Variants in TMEM218 observed in about 807,000 individuals in gnomAD.
TMEM218 encodes the protein transmembrane protein 218.
TMEM218 carries 8 observed loss-of-function variants against 10.0 expected under a neutral mutation model. The ratio of observed to expected loss-of-function variants is 0.80; its 90% confidence interval spans 0.47 to 1.44. TMEM218 has a LOEUF of 1.44. TMEM218 is among the 40% of genes most tolerant of loss of function. The pLI is 0.00. For synonymous variants in TMEM218, 66 were observed against 63.5 expected (o/e 1.04, Z -0.18); for missense variants, 110 against 140.1 (o/e 0.79, Z 1.08).
chr11:125,097,666 G>A lies in TMEM218; in HGVS notation c.288C>T (p.Phe96=), dbSNP rs1438244193. ...CCAGAACATAATGGATTAAAACCAA[G>A]AAGAGGCCTCCAAGGAAGATGGCAC... ...FLSAIFLGGL[F]LVLIHYVLEP... is the part of the protein sequence containing the mutation. The change falls in exon 5 of 5, where the codon TTC becomes TTT. Residue 96 remains phenylalanine (F), a synonymous_variant. Coordinates refer to ENST00000682305, the MANE Select transcript of TMEM218 (RefSeq NM_001258244.2). The A allele has an allele frequency of 1.2e-6, 2 of 1,614,034 alleles. No individual in the cohort carries two copies. Among genetic ancestry groups the A allele is most frequent in the East Asian group, 4.5e-5 (2 of 44,898 alleles).
chr11:125,101,549 T>G lies in TMEM218; in HGVS notation c.111-246A>C, dbSNP rs571908697. ...AAGAATGGAAATGTGTAGTTTTTAT[T>G]TTTACTTCTGCCCAAAGTCATAATC... On this transcript the variant is annotated intron_variant, in intron 3 of 4. Transcript: ENST00000682305. 6.1e-5 allele frequency: 88 copies of G among 1,443,314 alleles called. No individual in the cohort carries two copies. The African/African-American group carries it at 1.2e-3, about 20-fold the overall frequency. 89.4% of individuals were successfully genotyped at this position (1,443,314 alleles called of 1,614,324 possible).
In TMEM218 at chr11:125,097,700, G is replaced by A. The variant is rs771422881; in HGVS notation, c.254C>T (p.Ala85Val). 1 of 1,614,138 alleles carries A rather than the reference G, an allele frequency of 6.2e-7. No individual in the cohort carries two copies. Among genetic ancestry groups the A allele is most frequent in the Non-Finnish European group, 8.5e-7 (1 of 1,179,990 alleles). Residue 85 changes from alanine (A) to valine (V), a missense_variant, in exon 5 of 5, where the codon GCT becomes GTT. Physicochemically the swap from Ala to Val is moderately conservative, Grantham distance 64. Transcript: ENST00000682305. ...TCCAAGGAAGATGGCACTAAGGAAA[G>A]CCAGCAGGACATAGCGGCCAATGAA... ...DFFIGRYVLL[A>V]FLSAIFLGGL...
chr11:125,098,985 T>G lies in TMEM218; in HGVS notation c.214-1245A>C, dbSNP rs142218403. Reference sequence around the variant, plus strand: ...GAACTTCTGGAAAGGAATGCTGCCCTGCCAACCCCTTGGTTTTAGCCCAGT... The same window carrying G: ...GAACTTCTGGAAAGGAATGCTGCCCGGCCAACCCCTTGGTTTTAGCCCAGT... On this transcript the variant is annotated intron_variant, in intron 4 of 4. Coordinates refer to ENST00000682305, the MANE Select transcript of TMEM218 (RefSeq NM_001258244.2). 6.0e-3 allele frequency among the ~76,000 whole-genome samples: 911 copies of G among 152,322 alleles called. 4 individuals are homozygous for G. The highest frequency in any genetic ancestry group is 8.2e-3 in the Non-Finnish European group (556 of 68,024).
At chr11:125,105,700 TA>T (rs1277100687) in intron 1 of TMEM218, among the ~76,000 whole-genome samples, 2 of 150,720 alleles carry the variant, frequency 1.3e-5, no homozygotes, top group African/African-American at 4.9e-5. Flanking sequence ...GTACACAAGT[TA>T]AAAAAACATA....
chr11:125,102,034 A>T, intron 3 of TMEM218, 98 bp downstream of exon 3: 1 of 1,355,934 alleles, frequency 7.4e-7, no homozygotes, highest in Non-Finnish European at 9.7e-7. Flanking sequence ...GCCAGTAATT[A>T]CAAAACTGAT....
At chr11:125,101,100 A>T in intron 4 of TMEM218, 101 bp downstream of exon 4, 1 of 932,390 alleles carries the variant, frequency 1.1e-6, no homozygotes, top group Non-Finnish European at 1.6e-6. Context: ...CTGACATCTC[A>T]GGCAACCCGA....
rs748294248 is a variant in TMEM218, at chr11:125,095,364, T to G, written c.*2242A>C. 2.0e-5 allele frequency among the ~76,000 whole-genome samples: 3 copies of G among 152,184 alleles called. No individual in the cohort carries two copies. The highest frequency in any genetic ancestry group is 6.5e-5 in the Admixed American group (1 of 15,280). Reference sequence around the variant, plus strand: ...TATTTAAGGAATGACCTCTGAGCCCTGTCTCCAAGAAGGCCATGAGCATAC... The same window carrying G: ...TATTTAAGGAATGACCTCTGAGCCCGGTCTCCAAGAAGGCCATGAGCATAC... On this transcript the variant is annotated 3_prime_UTR_variant, in exon 5 of 5. Coordinates refer to ENST00000682305, the MANE Select transcript of TMEM218 (RefSeq NM_001258244.2).
chr11:125,102,870 C>T (rs985006676), intron 1 of TMEM218, 61 bp from the exon 2 acceptor site: 1 of 415,656 alleles, frequency 2.4e-6, no homozygotes, highest in Non-Finnish European at 4.1e-6. Context: ...AAGTGCCGTA[C>T]AAACATATCT....
Position 125,108,237 on chromosome 11 carries a change from A to C in TMEM218, c.-153+3302T>G, listed in dbSNP as rs1315151714. 6.6e-6 allele frequency among the ~76,000 whole-genome samples: 1 copy of C among 152,184 alleles called. No individual in the cohort carries two copies. Among genetic ancestry groups the C allele is most frequent in the Admixed American group, 6.5e-5 (1 of 15,278 alleles). ...CAAAGACACATGGCCCAGTGGTATAAAATCAAGAACCCAGAAACAGATCCA... is the reference window on the plus strand; with the variant it reads ...CAAAGACACATGGCCCAGTGGTATACAATCAAGAACCCAGAAACAGATCCA... On this transcript the variant is annotated intron_variant, in intron 1 of 4. Transcript: ENST00000682305. This position sits in a 1 kb window ranked among gnomAD's most constrained non-coding sequence, Gnocchi z 5.3.
intron 1 of TMEM218, among the ~76,000 whole-genome samples, chr11:125,106,213 TTTTTTG>T (rs981278588): frequency 2.2e-4 from 33 of 152,300 alleles, no homozygotes; most frequent in African/African-American, 6.3e-4. Context: ...GAAATTCTGT[TTTTTTG>T]TTTTTGTTTT....
intron 1 of TMEM218, among the ~76,000 whole-genome samples, chr11:125,109,679 C>A (rs1291146392): frequency 6.6e-6 from 1 of 152,146 alleles, no homozygotes; most frequent in African/African-American, 2.4e-5. Flanking sequence ...AGGGTCTGAC[C>A]TCCAGTCTTA....
At chr11:125,110,149 G>T (rs1953425609) in intron 1 of TMEM218, among the ~76,000 whole-genome samples, 1 of 151,206 alleles carries the variant, frequency 6.6e-6, no homozygotes. Context: ...TAATATCTGT[G>T]ATAATTTCCC....
At chr11:125,101,180 A>G (rs750256788) in intron 4 of TMEM218, 21 bp downstream of exon 4, 1 of 1,608,486 alleles carries the variant, frequency 6.2e-7, no homozygotes, top group Non-Finnish European at 8.5e-7. Flanking sequence ...TCAGGAGGCA[A>G]AACGAAAGCA....
intron 1 of TMEM218, among the ~76,000 whole-genome samples, chr11:125,106,877 T>C (rs1952307328): frequency 6.6e-6 from 1 of 152,192 alleles, no homozygotes; most frequent in South Asian, 2.1e-4. Context: ...AAAAAAGACA[T>C]TGCAGCCCTA....
chr11:125,101,631 T>C (rs1458734829), intron 3 of TMEM218: 3 of 700,418 alleles, frequency 4.3e-6, no homozygotes, highest in Middle Eastern at 3.7e-4. Context: ...TAGAACAGAA[T>C]ACTTTAGAAA....
At chr11:125,104,637 A>G (rs1343081308) in intron 1 of TMEM218, 1 of 152,276 alleles carries the variant, frequency 6.6e-6, no homozygotes, top group Non-Finnish European at 1.5e-5. Flanking sequence ...TGGTAACCCC[A>G]GTTCTTAGCA....
In TMEM218 at chr11:125,108,747, G is replaced by A. The variant is rs1393263618; in HGVS notation, c.-153+2792C>T. 1.3e-5 allele frequency among the ~76,000 whole-genome samples: 2 copies of A among 152,018 alleles called. No homozygotes were observed. Among genetic ancestry groups the A allele is most frequent in the South Asian group, 2.1e-4 (1 of 4,830 alleles). Reference sequence around the variant, plus strand: ...TAAACTGTGCCAAAAAATACATTATGTTTATACAAAAACCGGAGTTAGGCT... The same window carrying A: ...TAAACTGTGCCAAAAAATACATTATATTTATACAAAAACCGGAGTTAGGCT... On this transcript the variant is annotated intron_variant, in intron 1 of 4. Transcript: ENST00000682305. This position sits in a 1 kb window ranked among gnomAD's most constrained non-coding sequence, Gnocchi z 5.3.
intron 4 of TMEM218, among the ~76,000 whole-genome samples, chr11:125,100,669 G>T (rs1384673510): frequency 6.6e-6 from 1 of 152,188 alleles, no homozygotes; most frequent in East Asian, 1.9e-4. Flanking sequence ...AAAGACATGG[G>T]TGCTGGCAGG....
rs192801965 is a variant in TMEM218, at chr11:125,110,990, G to A, written c.-153+549C>T. Among the ~76,000 whole-genome samples, 27 of 152,176 alleles carry A rather than the reference G, an allele frequency of 1.8e-4. No homozygotes were observed. The East Asian group carries it at 4.4e-3, about 25-fold the overall frequency. ...GCCTGGGGAAAAAATCAGTTGCCAA[G>A]CTCCCAAAATGCCACCGATGTAGCA... is the stretch of plus-strand genomic sequence containing the variant. On this transcript the variant is annotated intron_variant, in intron 1 of 4. Coordinates refer to ENST00000682305, the MANE Select transcript of TMEM218 (RefSeq NM_001258244.2).
Sources: gnomAD v4.1 joint callset for allele counts (sites outside exome capture counted in the v4.1 genomes callset) on GRCh38, gnomAD v4.1.1 for gene constraint, Gnocchi (gnomAD v3.1) non-coding constraint, MANE v1.5 for transcripts, NCBI Gene and HGNC (gene_info 2026-07-23, HGNC 2026-07-21) for gene names.